CACNA1E: variants seen among roughly 807,000 people sequenced by gnomAD.
The protein encoded by CACNA1E is voltage-dependent R-type calcium channel subunit alpha-1E.
CACNA1E carries 40 observed loss-of-function variants against 259.2 expected under a neutral mutation model. The observed-to-expected ratio is 0.15, with a 90% confidence interval of 0.12 to 0.20. CACNA1E has a LOEUF of 0.20. CACNA1E is among the 10% of genes least tolerant of loss of function. The pLI, the probability that CACNA1E is intolerant of heterozygous loss-of-function variation, is 1.00. For missense variants in CACNA1E, 1,874 were observed against 3,040.1 expected, an observed-to-expected ratio of 0.62 and a Z score of 9.02; for synonymous variants, 1,104 against 1,138.5, an observed-to-expected ratio of 0.97 and a Z score of 0.61.
At position 181,344,747 on chromosome 1, in the gene CACNA1E, A is replaced by G. The variant is rs181076871; in HGVS notation, c.-15+26624A>G. On this transcript the variant is annotated intron_variant, in intron 1 of 11. Transcript: ENST00000524607. ...GAAAAGGAAACACCCAGAGTGCAAG[A>G]TAGAGGGCCCTTTCTTGGCTGATAG... 1.2e-3 allele frequency among the ~76,000 whole-genome samples: 186 copies of G among 152,330 alleles called. 1 individual carries two copies. Among genetic ancestry groups the G allele is most frequent in the African/African-American group, 4.3e-3 (178 of 41,588 alleles).
chr1:181,680,977 C>T (rs1463536975), intron 7 of CACNA1E, among the ~76,000 whole-genome samples: 3 of 152,238 alleles, frequency 2.0e-5, no homozygotes, highest in Non-Finnish European at 2.9e-5. Context: ...AACAAGTACC[C>T]GTGCAGTCGC....
At chr1:181,770,972 C>G (rs1414380466) in intron 35 of CACNA1E, among the ~76,000 whole-genome samples, 1 of 152,106 alleles carries the variant, frequency 6.6e-6, no homozygotes, top group Non-Finnish European at 1.5e-5. Flanking sequence ...ACCATGGTGA[C>G]AGGTACCATG....
chr1:181,671,895 A>G lies in CACNA1E; in HGVS notation c.1055+20454A>G, dbSNP rs1648839621. Among the ~76,000 whole-genome samples the G allele has an allele frequency of 2.0e-5, 3 of 152,232 alleles. No homozygotes were observed. The South Asian group carries it at 6.2e-4, about 32-fold the overall frequency. On this transcript the variant is annotated intron_variant, in intron 7 of 47. Coordinates refer to ENST00000367573, the MANE Select transcript of CACNA1E (RefSeq NM_001205293.3). ...CATTCCCATTACTGGGTATATACCT[A>G]GAGGAATATAAATCATTCTACTGTA... is the stretch of plus-strand genomic sequence containing the variant.
At chr1:181,369,590 T>G (rs1417289457) in intron 1 of CACNA1E, among the ~76,000 whole-genome samples, 2 of 152,190 alleles carry the variant, frequency 1.3e-5, no homozygotes, top group Admixed American at 6.5e-5. Context: ...GGTGCCAGCC[T>G]GAAGCATGAC....
At chr1:181,337,283 G>GT (rs1348968795) in intron 1 of CACNA1E, among the ~76,000 whole-genome samples, 2 of 151,572 alleles carry the variant, frequency 1.3e-5, no homozygotes, top group Non-Finnish European at 2.9e-5. Flanking sequence ...AGCCTCCCGA[G>GT]TAGCTGGGCC....
At chr1:181,604,009 C>T (rs897681689) in intron 6 of CACNA1E, among the ~76,000 whole-genome samples, 2 of 152,168 alleles carry the variant, frequency 1.3e-5, no homozygotes. Flanking sequence ...CTTGCCCTTC[C>T]CTGTGGGTGG....
At chr1:181,336,357 T>C (rs1483288652) in intron 1 of CACNA1E, among the ~76,000 whole-genome samples, 2 of 152,218 alleles carry the variant, frequency 1.3e-5, no homozygotes, top group African/African-American at 2.4e-5. Context: ...GCCCTATACG[T>C]GCCTCAAAAC....
chr1:181,348,219 G>T (rs910706772), intron 1 of CACNA1E, among the ~76,000 whole-genome samples: 1 of 152,036 alleles, frequency 6.6e-6, no homozygotes, highest in Non-Finnish European at 1.5e-5. Context: ...AGTTGAGATG[G>T]GGGGTCATTT....
chr1:181,563,042 T>C (rs1292481763), intron 3 of CACNA1E, among the ~76,000 whole-genome samples: 1 of 152,200 alleles, frequency 6.6e-6, no homozygotes, highest in Non-Finnish European at 1.5e-5. Flanking sequence ...GAATTTTGAC[T>C]TAATAACTCT....
At chr1:181,681,086 C>T (rs1411922718) in intron 7 of CACNA1E, among the ~76,000 whole-genome samples, 4 of 152,318 alleles carry the variant, frequency 2.6e-5, no homozygotes, top group East Asian at 1.9e-4. Context: ...AAATGAGTCA[C>T]GTGGCCGTGC....
At chr1:181,506,310 G>A (rs1456119323) in intron 1 of CACNA1E, among the ~76,000 whole-genome samples, 1 of 152,222 alleles carries the variant, frequency 6.6e-6, no homozygotes, top group East Asian at 1.9e-4. Flanking sequence ...ATGTAGCAGA[G>A]CCATTGCTTT....
chr1:181,754,501 A>C (rs1436988814), intron 27 of CACNA1E, among the ~76,000 whole-genome samples: 1 of 152,152 alleles, frequency 6.6e-6, no homozygotes, highest in Admixed American at 6.5e-5. Flanking sequence ...GTAACTCCTC[A>C]CAGCTTAGGG....
intron 3 of CACNA1E, among the ~76,000 whole-genome samples, chr1:181,550,121 G>A (rs1647965152): frequency 6.6e-6 from 1 of 152,138 alleles, no homozygotes; most frequent in Non-Finnish European, 1.5e-5. Context: ...AATATACTGA[G>A]GGCTGTGACC....
intron 32 of CACNA1E, among the ~76,000 whole-genome samples, chr1:181,761,140 T>G (rs1194368532): frequency 6.6e-6 from 1 of 152,216 alleles, no homozygotes; most frequent in African/African-American, 2.4e-5. Flanking sequence ...AAGGCCTCTT[T>G]CAGCCTCATT....
chr1:181,673,326 T>C (rs983053382), intron 7 of CACNA1E, among the ~76,000 whole-genome samples: 2 of 152,188 alleles, frequency 1.3e-5, no homozygotes, highest in Non-Finnish European at 2.9e-5. Context: ...TAACAGTGCC[T>C]GGAGAAATTC....
At chr1:181,737,195 T>G (rs886689829) in intron 22 of CACNA1E, among the ~76,000 whole-genome samples, 8 of 152,214 alleles carry the variant, frequency 5.3e-5, no homozygotes, top group Non-Finnish European at 1.0e-4. Flanking sequence ...TTCCTTTCAG[T>G]GGGAGAGTAG....
chr1:181,561,687 G>A (rs747465796), intron 3 of CACNA1E, among the ~76,000 whole-genome samples: 1 of 152,120 alleles, frequency 6.6e-6, no homozygotes, highest in East Asian at 1.9e-4. Flanking sequence ...TTCACCAATC[G>A]AGGGACATTT....
intron 37 of CACNA1E, among the ~76,000 whole-genome samples, chr1:181,773,737 A>C (rs1659726407): frequency 6.6e-6 from 1 of 152,252 alleles, no homozygotes; most frequent in South Asian, 2.1e-4. Flanking sequence ...AATGGAGCAG[A>C]TAGAAGCGCA....
At position 181,710,780 on chromosome 1, in the gene CACNA1E, G is replaced by A. The variant is rs1653271485; in HGVS notation, c.1056-174G>A. Among the ~76,000 whole-genome samples the A allele has an allele frequency of 2.6e-5, 4 of 152,230 alleles. No homozygotes were observed. The South Asian group carries it at 8.3e-4, about 31-fold the overall frequency. On this transcript the variant is annotated intron_variant, in intron 7 of 47. Coordinates refer to ENST00000367573, the MANE Select transcript of CACNA1E (RefSeq NM_001205293.3). ...CTTCCTTTGTGAGGCTGAATGAGGTGTGTTTCTGTGTAACATTGTAAGGAG... is the reference window on the plus strand; with the variant it reads ...CTTCCTTTGTGAGGCTGAATGAGGTATGTTTCTGTGTAACATTGTAAGGAG...
Sources: allele counts gnomAD v4.1 joint callset (sites outside exome capture counted in the v4.1 genomes callset), GRCh38; gene constraint gnomAD v4.1.1; transcripts MANE v1.5; gene names NCBI Gene and HGNC (gene_info 2026-07-23, HGNC 2026-07-21).